MACF1: variants seen among roughly 807,000 people sequenced by gnomAD.
The protein encoded by MACF1 is microtubule-actin cross-linking factor 1.
Under a neutral mutation model 854.8 loss-of-function variants are expected in MACF1, and 193 were observed. The ratio of observed to expected loss-of-function variants is 0.23; its 90% CI spans 0.20 to 0.25. The LOEUF is 0.25. MACF1 is among the 10% of genes least tolerant of loss of function. The pLI, the probability that MACF1 is intolerant of heterozygous loss-of-function variation, is 1.00. For missense variants in MACF1, 7,722 were observed against 8,929.1 expected, an observed-to-expected ratio of 0.86 and a Z score of 5.45; for synonymous variants, 3,185 against 3,226.7, an observed-to-expected ratio of 0.99 and a Z score of 0.44.
intron 58 of MACF1, among the ~76,000 whole-genome samples, chr1:39,405,264 G>A (rs1363823022): frequency 1.3e-5 from 2 of 152,158 alleles, no homozygotes; most frequent in Admixed American, 1.3e-4. Flanking sequence ...ATGCCCAACA[G>A]GTACAGACTA....
chr1:39,340,452 A>G (rs1459141868), intron 38 of MACF1, 50 bp from the exon 39 acceptor site: 2 of 1,354,354 alleles, frequency 1.5e-6, no homozygotes, highest in African/African-American at 1.4e-5. Context: ...GCTGATTCCC[A>G]GAGGGTTTCT....
chr1:39,352,809 G>C (rs745958370), intron 43 of MACF1, among the ~76,000 whole-genome samples, 198 bp from the exon 44 acceptor site: 31 of 151,198 alleles, frequency 2.1e-4, no homozygotes, highest in Non-Finnish European at 3.8e-4. Flanking sequence ...AAGATATAAT[G>C]AAATGTAGAG....
chr1:39,410,582 G>A, intron 58 of MACF1: 1 of 1,614,050 alleles, frequency 6.2e-7, no homozygotes, highest in Non-Finnish European at 8.5e-7. Flanking sequence ...AAGCTAAGCA[G>A]TGATGTGCAG....
In MACF1 at chr1:39,250,026, A is replaced by G; in HGVS notation, c.184A>G (p.Ile62Val). 6.2e-7 allele frequency: 1 copy of G among 1,610,904 alleles called. No individual in the cohort carries two copies. The highest frequency in any genetic ancestry group is 8.5e-7 in the Non-Finnish European group (1 of 1,177,520). The change falls in exon 3 of 101, where the codon ATC becomes GTC. Residue 62 changes from isoleucine (I) to valine (V), a missense_variant. Around this residue, in one of 15 missense-constraint regions of MACF1, gnomAD observed 82 missense variants for 84.0 expected, o/e 0.98. Transcript: ENST00000564288. ...NKHLMKVRKH[I>V]NDLYEDLRDG... ...CTCTCATTCACAGGTCCGCAAGCAC[A>G]TCAATGATCTTTATGAAGATCTGCG...
In MACF1 at chr1:39,336,144, T is replaced by C. The variant is rs1381825641; in HGVS notation, c.9556T>C (p.Leu3186=). 7 of 1,614,040 alleles carry C rather than the reference T, an allele frequency of 4.3e-6. No homozygotes were observed. Among genetic ancestry groups the C allele is most frequent in the Non-Finnish European group, 5.9e-6 (7 of 1,180,038 alleles). The change falls in exon 37 of 101, where the codon TTG becomes CTG. Residue 3186 remains leucine (L), a synonymous_variant. Coordinates refer to ENST00000564288, the MANE Select transcript of MACF1 (RefSeq NM_001394062.1). ...VSFDPARGLK[L]EEITVSRPDS... ...TTTTGACCCAGCAAGAGGTCTTAAA[T>C]TGGAAGAAATCACAGTTTCTAGACC...
chr1:39,479,875 C>T lies in MACF1; in HGVS notation c.22036C>T (p.Arg7346Cys), dbSNP rs374622508. The T allele has an allele frequency of 2.5e-6, 4 of 1,614,122 alleles. No homozygotes were observed. The highest frequency in any genetic ancestry group is 1.1e-5 in the South Asian group (1 of 91,094). ...AGCATCCCAGGGAATGACCCCCTTC[C>T]GCTCACGGGGTCGAAGGTCCAAACC... is the stretch of plus-strand genomic sequence containing the variant. ...EGASQGMTPF[R>C]SRGRRSKPSS... Residue 7346 changes from arginine to cysteine, a missense_variant, in exon 98 of 101, where the codon CGC (arginine) becomes TGC (cysteine). By Grantham distance (180) the Arg-to-Cys change is radical (BLOSUM62 -3). This residue lies in a region of MACF1 where 153 missense variants were observed against 342.5 expected (regional missense o/e 0.45). Coordinates refer to ENST00000564288, the MANE Select transcript of MACF1 (RefSeq NM_001394062.1).
chr1:39,341,417 C>T (rs1194811401), intron 40 of MACF1, among the ~76,000 whole-genome samples: 4 of 151,000 alleles, frequency 2.6e-5, no homozygotes, highest in Non-Finnish European at 5.9e-5. Flanking sequence ...TATCCCTGGC[C>T]GGCCATGGCA....
intron 2 of MACF1, among the ~76,000 whole-genome samples, chr1:39,248,291 T>G (rs1050016982): frequency 4.6e-5 from 7 of 152,172 alleles, no homozygotes. Flanking sequence ...TCCATTCTTA[T>G]CCTACTTTCT....
At chr1:39,166,737 G>T (rs1181734820) in intron 2 of MACF1, among the ~76,000 whole-genome samples, 6 of 151,876 alleles carry the variant, frequency 4.0e-5, no homozygotes, top group Non-Finnish European at 7.4e-5. Context: ...ACAGGCGTGA[G>T]CTGTGCCTGG....
intron 6 of MACF1, among the ~76,000 whole-genome samples, chr1:39,280,381 C>T (rs1645519889): frequency 6.6e-6 from 1 of 152,112 alleles, no homozygotes; most frequent in African/African-American, 2.4e-5. Context: ...GAAGTTATTT[C>T]GTTCACAGCA....
In MACF1 at chr1:39,303,051, A is replaced by G; in HGVS notation, c.2762A>G (p.Asn921Ser). 1 of 1,614,008 alleles carries G rather than the reference A, an allele frequency of 6.2e-7. No individual in the cohort carries two copies. The highest frequency in any genetic ancestry group is 1.6e-4 in the Middle Eastern group (1 of 6,062). ...GTCTGCTTCCTCATCCCCCCACCCA[A>G]TAAGGATGCCATTGAGATGGCCAGC... ...PSVCFLIPPP[N>S]KDAIEMASRV... is the part of the protein sequence containing the mutation. Residue 921 changes from asparagine to serine, a missense_variant, in exon 23 of 101, where the codon AAT (asparagine) becomes AGT (serine). Asn to Ser is a conservative substitution (Grantham distance 46, BLOSUM62 1). Transcript: ENST00000564288.
Position 39,422,905 on chromosome 1 carries a change from G to A in MACF1, c.16149+5G>A, listed in dbSNP as rs372179014. 1.8e-5 allele frequency: 29 copies of A among 1,613,612 alleles called. 1 individual carries two copies. Among genetic ancestry groups the A allele is most frequent in the African/African-American group, 1.3e-4 (10 of 75,054 alleles). On this transcript the variant is annotated splice_donor_5th_base_variant and intron_variant, in intron 60 of 100. Transcript: ENST00000564288. The stretch of plus-strand genomic sequence containing the variant: ...GCACAGATCCAAGAACAGAAGGTAA[G>A]TGAGAATGTTGGGACAGTGAACTGT...
chr1:39,231,780 A>C lies in MACF1; in HGVS notation c.171+537A>C, dbSNP rs551522414. 4.6e-5 allele frequency among the ~76,000 whole-genome samples: 7 copies of C among 152,134 alleles called. No homozygotes were observed. The East Asian group carries it at 7.7e-4, about 17-fold the overall frequency. On this transcript the variant is annotated intron_variant, in intron 2 of 100. Transcript: ENST00000564288. ...CTCTGGTATCAAACTCCTGGGCTAA[A>C]GCGATCCTCCTACCTCTGCCTCCCA...
At chr1:39,292,506 T>G (rs911420867) in intron 16 of MACF1, among the ~76,000 whole-genome samples, 3 of 152,236 alleles carry the variant, frequency 2.0e-5, no homozygotes, top group Non-Finnish European at 4.4e-5. Flanking sequence ...GCATTGGTTT[T>G]GCTTAGAAGC....
At chr1:39,260,825 TTA>T (rs1365915965) in intron 6 of MACF1, among the ~76,000 whole-genome samples, 2 of 152,158 alleles carry the variant, frequency 1.3e-5, no homozygotes, top group African/African-American at 2.4e-5. Context: ...CTCTTTGACT[TTA>T]TATCATTTTT....
intron 2 of MACF1, among the ~76,000 whole-genome samples, chr1:39,162,787 A>G (rs550077068): frequency 7.6e-4 from 116 of 152,140 alleles, no homozygotes; most frequent in Non-Finnish European, 1.2e-3. Context: ...TAGGAGCCTG[A>G]TAGATGTTAG....
At chr1:39,095,769 G>A (rs1641922225) in intron 2 of MACF1, among the ~76,000 whole-genome samples, 1 of 151,760 alleles carries the variant, frequency 6.6e-6, no homozygotes. Flanking sequence ...TAGCTACTTG[G>A]GGGCTGAGAA....
chr1:39,352,559 C>T (rs952143778), intron 43 of MACF1, among the ~76,000 whole-genome samples: 14 of 152,138 alleles, frequency 9.2e-5, no homozygotes, highest in African/African-American at 3.4e-4. Context: ...GCCGTGTCAC[C>T]GAAGCTGGAG....
At chr1:39,474,762 C>T (rs923039324) in intron 97 of MACF1, among the ~76,000 whole-genome samples, 6 of 152,104 alleles carry the variant, frequency 3.9e-5, no homozygotes, top group Non-Finnish European at 8.8e-5. Context: ...TACTGCGCTC[C>T]AGCCTCAGCG....
Sources: gnomAD v4.1 joint callset for allele counts (sites outside exome capture counted in the v4.1 genomes callset) on GRCh38, gnomAD v4.1.1 for gene constraint, gnomAD v4.1.1 regional missense constraint, MANE v1.5 for transcripts, NCBI Gene and HGNC (gene_info 2026-07-23, HGNC 2026-07-21) for gene names.